The following MYO3B variants were observed in gnomAD, a reference collection of about 807,000 sequenced individuals.
The protein encoded by MYO3B is myosin IIIB.
Under a neutral mutation model 174.6 loss-of-function variants are expected in MYO3B, and 156 were observed. The ratio of observed to expected loss-of-function variants is 0.89; its 90% confidence interval spans 0.78 to 1.02. The LOEUF (loss-of-function observed/expected upper bound fraction) is 1.02. Ranked by LOEUF, MYO3B falls within the 50% of genes least tolerant of loss-of-function variation. MYO3B has a pLI of 0.00. For missense variants in MYO3B, 1,632 were observed against 1,639.4 expected (o/e 1.00, Z 0.08); for synonymous variants, 563 against 569.1 (o/e 0.99, Z 0.15).
intron 32 of MYO3B, among the ~76,000 whole-genome samples, chr2:170,648,670 T>TATATAATATATATTATATTCA (rs1553550358): frequency 1.7e-4 from 17 of 102,614 alleles, no homozygotes; most frequent in Admixed American, 6.8e-4. Context: ...TATTATATTC[T>TATATAATATATATTATATTCA]ATATAATATA....
At chr2:170,405,365 A>T (rs1268156723) in intron 20 of MYO3B, among the ~76,000 whole-genome samples, 180 bp from the exon 21 acceptor site, 1 of 152,192 alleles carries the variant, frequency 6.6e-6, no homozygotes, top group Non-Finnish European at 1.5e-5. Flanking sequence ...ATGCTACACA[A>T]CTAAGCAAGG....
intron 32 of MYO3B, among the ~76,000 whole-genome samples, chr2:170,627,582 T>A (rs1043567643): frequency 1.4e-4 from 22 of 152,258 alleles, no homozygotes; most frequent in African/African-American, 4.8e-4. Flanking sequence ...AGCTTTGTTC[T>A]GTTGCTGGTG....
chr2:170,384,751 T>C (rs1001723885), intron 12 of MYO3B, among the ~76,000 whole-genome samples: 1 of 152,208 alleles, frequency 6.6e-6, no homozygotes, highest in Non-Finnish European at 1.5e-5. Context: ...TGACACCACT[T>C]CTGACACCAA....
intron 32 of MYO3B, among the ~76,000 whole-genome samples, chr2:170,620,962 C>T (rs943516083): frequency 1.3e-5 from 2 of 152,014 alleles, no homozygotes; most frequent in Non-Finnish European, 2.9e-5. Flanking sequence ...GATCTCGGCT[C>T]ACTGCAGCCT....
intron 29 of MYO3B, among the ~76,000 whole-genome samples, chr2:170,517,133 T>A (rs1488418831): frequency 6.6e-6 from 1 of 152,224 alleles, no homozygotes; most frequent in East Asian, 1.9e-4. Context: ...TTGACCCAAA[T>A]CCTTCTCCCT....
chr2:170,268,326 T>C (rs2093399778), intron 7 of MYO3B, among the ~76,000 whole-genome samples: 1 of 152,050 alleles, frequency 6.6e-6, no homozygotes, highest in South Asian at 2.1e-4. Flanking sequence ...AATGGCAGAA[T>C]GATTAGACCT....
At chr2:170,640,090 A>G (rs1337976557) in intron 32 of MYO3B, among the ~76,000 whole-genome samples, 1 of 152,218 alleles carries the variant, frequency 6.6e-6, no homozygotes, top group Non-Finnish European at 1.5e-5. Context: ...GGAAAGGGTT[A>G]AGTCCATGGT....
intron 11 of MYO3B, 104 bp from the exon 12 acceptor site, chr2:170,383,606 C>A: frequency 1.2e-6 from 1 of 847,402 alleles, no homozygotes; most frequent in Non-Finnish European, 1.9e-6. Flanking sequence ...CTTCCTAATG[C>A]AACAAGTACC....
chr2:170,414,202 C>T (rs72876355), intron 22 of MYO3B, among the ~76,000 whole-genome samples: 18,929 of 151,866 alleles, frequency 0.12, 1,365 homozygotes, highest in East Asian at 0.29. Flanking sequence ...AAGTCTTTTT[C>T]TTGAGATGGA....
intron 29 of MYO3B, among the ~76,000 whole-genome samples, chr2:170,518,933 G>A (rs557618443): frequency 6.6e-6 from 1 of 152,332 alleles, no homozygotes; most frequent in South Asian, 2.1e-4. Context: ...TCATTGTTGA[G>A]AAACTCATCA....
At chr2:170,431,307 G>A (rs1313878468) in intron 22 of MYO3B, among the ~76,000 whole-genome samples, 4 of 152,176 alleles carry the variant, frequency 2.6e-5, no homozygotes, top group African/African-American at 9.7e-5. Context: ...TGCCGACGTG[G>A]CAATAAAATG....
chr2:170,525,937 A>G (rs367941116), intron 30 of MYO3B, among the ~76,000 whole-genome samples: 28 of 152,160 alleles, frequency 1.8e-4, no homozygotes, highest in African/African-American at 6.8e-4. Flanking sequence ...CAAATTTCCT[A>G]CCAGTGTGGT....
At chr2:170,316,051 C>T (rs2093773418) in intron 7 of MYO3B, among the ~76,000 whole-genome samples, 1 of 152,214 alleles carries the variant, frequency 6.6e-6, no homozygotes, top group African/African-American at 2.4e-5. Flanking sequence ...TTATTTTTTA[C>T]TGGCATGATT....
At chr2:170,185,491 C>G (rs1334980798) in intron 1 of MYO3B, among the ~76,000 whole-genome samples, 2 of 152,050 alleles carry the variant, frequency 1.3e-5, no homozygotes, top group Non-Finnish European at 2.9e-5. Flanking sequence ...CTATTCTGTC[C>G]TATTGGTCTA....
chr2:170,318,345 T>C (rs2093790317), intron 7 of MYO3B, among the ~76,000 whole-genome samples: 1 of 152,192 alleles, frequency 6.6e-6, no homozygotes, highest in South Asian at 2.1e-4. Flanking sequence ...GAGATTCTCT[T>C]TTACTACTTT....
intron 32 of MYO3B, among the ~76,000 whole-genome samples, chr2:170,578,302 A>G (rs1692923181): frequency 1.3e-5 from 2 of 152,240 alleles, no homozygotes; most frequent in African/African-American, 4.8e-5. Context: ...AGGCGGGGCC[A>G]AAAGGGTGAC....
chr2:170,297,290 C>G (rs901848658), intron 7 of MYO3B, among the ~76,000 whole-genome samples: 1 of 151,510 alleles, frequency 6.6e-6, no homozygotes, highest in Non-Finnish European at 1.5e-5. Context: ...AAAACATACC[C>G]GCTCCCAATG....
chr2:170,416,818 G>GTTTTTTTTTT (rs552594236), intron 22 of MYO3B, among the ~76,000 whole-genome samples: 2 of 116,124 alleles, frequency 1.7e-5, no homozygotes, highest in Non-Finnish European at 1.8e-5. Context: ...TTTTTCTGTT[G>GTTTTTTTTTT]TTTTTTTTTT....
intron 23 of MYO3B, among the ~76,000 whole-genome samples, chr2:170,446,375 A>C (rs2094842610): frequency 6.6e-6 from 1 of 152,078 alleles, no homozygotes; most frequent in South Asian, 2.1e-4. Context: ...GGACTAAGGC[A>C]TATCCCCTGC....
Sources: allele counts gnomAD v4.1 joint callset (sites outside exome capture counted in the v4.1 genomes callset), GRCh38; gene constraint gnomAD v4.1.1; transcripts MANE v1.5; gene names NCBI Gene and HGNC (gene_info 2026-07-23, HGNC 2026-07-21).